Variants in ELAVL4 observed in about 807,000 individuals in gnomAD.
ELAVL4 encodes the protein ELAV-like protein 4.
Under a neutral mutation model 35.6 loss-of-function variants are expected in ELAVL4, and 1 was observed. The ratio of observed to expected loss-of-function variants is 0.03; its 90% CI spans 0.01 to 0.13. The LOEUF is 0.13. Ranked by LOEUF, ELAVL4 falls within the 10% of genes least tolerant of loss-of-function variation. The probability of loss-of-function intolerance (pLI) is 1.00; values close to 1 mark genes in which losing one functional copy is unlikely to be tolerated. For missense variants in ELAVL4, 267 were observed against 464.9 expected (o/e 0.57, Z 3.91); for synonymous variants, 156 against 171.0 (o/e 0.91, Z 0.69).
At chr1:50,143,538 G>A (rs779958044) in intron 1 of ELAVL4, among the ~76,000 whole-genome samples, 4 of 152,090 alleles carry the variant, frequency 2.6e-5, no homozygotes, top group Non-Finnish European at 4.4e-5. Context: ...GGTTCTTACC[G>A]CTTTGCCATA....
chr1:50,108,565 G>A (rs556801593), upstream of ELAVL4, among the ~76,000 whole-genome samples: 3 of 152,232 alleles, frequency 2.0e-5, no homozygotes, highest in South Asian at 4.2e-4. Context: ...GAGGTGGCAC[G>A]GTTCGGCCCT....
intron 1 of ELAVL4, among the ~76,000 whole-genome samples, chr1:50,050,771 G>C (rs1017569679): frequency 3.9e-5 from 6 of 152,054 alleles, no homozygotes; most frequent in Non-Finnish European, 8.8e-5. Flanking sequence ...TATGATAATG[G>C]ATATTATAAT....
chr1:50,080,752 A>G (rs1664973916), intron 1 of ELAVL4, among the ~76,000 whole-genome samples: 1 of 152,186 alleles, frequency 6.6e-6, no homozygotes, highest in Admixed American at 6.6e-5. Flanking sequence ...TCCACTGGAC[A>G]GCCTTCCCTG....
rs1553168209 is a variant in ELAVL4 at position 50,109,114 on chromosome 1, A to T, written c.-76A>T. On this transcript the variant is annotated 5_prime_UTR_variant, in exon 1 of 7. Transcript: ENST00000371824. ...ATATATAACAATAGTAGTCATTTTA[A>T]ATATATATTCTGAAATCTTTGCAAA... 1 of 1,505,994 alleles carries T rather than the reference A, an allele frequency of 6.6e-7. No individual in the cohort carries two copies. 93.3% of individuals were successfully genotyped at this position (1,505,994 alleles called of 1,614,324 possible).
chr1:50,122,022 T>C (rs1270725309), intron 1 of ELAVL4, among the ~76,000 whole-genome samples: 6 of 152,094 alleles, frequency 3.9e-5, no homozygotes, highest in Non-Finnish European at 7.4e-5. Context: ...CCATCCCTTT[T>C]AATCCTTAGA....
At chr1:50,135,415 G>T (rs568392204) in intron 1 of ELAVL4, among the ~76,000 whole-genome samples, 1 of 152,074 alleles carries the variant, frequency 6.6e-6, no homozygotes, top group Non-Finnish European at 1.5e-5. Context: ...TGCTGAGGAG[G>T]GGGTGTCATT....
chr1:50,165,251 C>A (rs1484119362), intron 2 of ELAVL4, among the ~76,000 whole-genome samples: 1 of 152,112 alleles, frequency 6.6e-6, no homozygotes, highest in African/African-American at 2.4e-5. Context: ...GGCCTTTGCA[C>A]ATGAGATTCC....
At chr1:50,171,892 G>T (rs1679068065) in intron 2 of ELAVL4, among the ~76,000 whole-genome samples, 1 of 152,184 alleles carries the variant, frequency 6.6e-6, no homozygotes, top group South Asian at 2.1e-4. Flanking sequence ...CTGCCATGCA[G>T]GTAATTTTGA....
chr1:50,147,636 A>G (rs1673959383), intron 2 of ELAVL4, among the ~76,000 whole-genome samples: 1 of 152,170 alleles, frequency 6.6e-6, no homozygotes, highest in Non-Finnish European at 1.5e-5. Flanking sequence ...GTGGTTCAGA[A>G]GTCAGGGTAA....
At chr1:50,105,854 C>T (rs1457605930), upstream of ELAVL4, 1 of 156,932 alleles carries the variant, frequency 6.4e-6, no homozygotes, top group East Asian at 1.9e-4. Context: ...AGACGGAGTG[C>T]TTTGCAAAGG....
At chr1:50,126,166 A>T (rs1362489849) in intron 1 of ELAVL4, among the ~76,000 whole-genome samples, 4 of 152,108 alleles carry the variant, frequency 2.6e-5, no homozygotes, top group African/African-American at 9.7e-5. Context: ...CCCATTCTAT[A>T]ACTTTCAAAA....
At chr1:50,171,586 A>G (rs1480460978) in intron 2 of ELAVL4, among the ~76,000 whole-genome samples, 1 of 152,194 alleles carries the variant, frequency 6.6e-6, no homozygotes, top group Non-Finnish European at 1.5e-5. Flanking sequence ...ATTAGTCCCC[A>G]TGTTAATATA....
chr1:50,111,048 T>C (rs1030298482), intron 1 of ELAVL4, among the ~76,000 whole-genome samples: 3 of 152,158 alleles, frequency 2.0e-5, no homozygotes, highest in Non-Finnish European at 4.4e-5. Flanking sequence ...TCGTTATTAA[T>C]AGGTGTTAAT....
intron 2 of ELAVL4, among the ~76,000 whole-genome samples, chr1:50,176,329 A>G (rs936379011): frequency 2.0e-5 from 3 of 152,100 alleles, no homozygotes; most frequent in African/African-American, 7.2e-5. Context: ...TGGCTCAGGG[A>G]ATGATGAGGG....
At chr1:50,139,209 T>C (rs1023265445) in intron 1 of ELAVL4, among the ~76,000 whole-genome samples, 1 of 152,222 alleles carries the variant, frequency 6.6e-6, no homozygotes, top group South Asian at 2.1e-4. Context: ...ATGTAAGGAC[T>C]TTCATTCATT....
At chr1:50,138,606 C>T (rs1369636108) in intron 1 of ELAVL4, among the ~76,000 whole-genome samples, 1 of 151,904 alleles carries the variant, frequency 6.6e-6, no homozygotes, top group Non-Finnish European at 1.5e-5. Flanking sequence ...ATTACAGGCA[C>T]AGGCACCCGC....
intron 2 of ELAVL4, among the ~76,000 whole-genome samples, chr1:50,154,721 T>A (rs1008429067): frequency 6.6e-6 from 1 of 151,628 alleles, no homozygotes; most frequent in African/African-American, 2.4e-5. Flanking sequence ...TCCTCTCTTT[T>A]CTTTGCCTGG....
intron 1 of ELAVL4, among the ~76,000 whole-genome samples, chr1:50,097,359 G>A (rs1665763608): frequency 1.3e-5 from 2 of 152,298 alleles, no homozygotes; most frequent in South Asian, 4.1e-4. Context: ...TTATTACAGT[G>A]TAAAGTCAGT....
intron 2 of ELAVL4, among the ~76,000 whole-genome samples, chr1:50,164,363 A>T (rs1436588290): frequency 1.3e-5 from 2 of 152,312 alleles, no homozygotes; most frequent in South Asian, 2.1e-4. Flanking sequence ...CCCACCCCTT[A>T]AAAAAGCATT....
Sources: gnomAD v4.1 joint callset for allele counts (sites outside exome capture counted in the v4.1 genomes callset) on GRCh38, gnomAD v4.1.1 for gene constraint, MANE v1.5 for transcripts, NCBI Gene and HGNC (gene_info 2026-07-23, HGNC 2026-07-21) for gene names.